Variants in SLC41A2 observed in about 807,000 individuals in gnomAD.
SLC41A2 encodes the protein solute carrier family 41 member 2, also known as SLC41A1-like 1.
A neutral mutation model predicts 58.3 loss-of-function variants in SLC41A2; 32 were observed. The observed-to-expected ratio is 0.55, with a 90% CI of 0.41 to 0.74. The LOEUF is 0.74. SLC41A2 is among the 30% of genes least tolerant of loss of function. SLC41A2 has a pLI of 0.00. For synonymous variants in SLC41A2, 190 were observed against 235.0 expected, an observed-to-expected ratio of 0.81 and a Z score of 1.75; for missense variants, 514 against 680.6, an observed-to-expected ratio of 0.76 and a Z score of 2.72.
intron 10 of SLC41A2, among the ~76,000 whole-genome samples, chr12:104,826,815 C>T (rs925845782): frequency 6.6e-6 from 1 of 152,186 alleles, no homozygotes; most frequent in South Asian, 2.1e-4. Context: ...GACATTATGT[C>T]ACTTTTGAAT....
intron 2 of SLC41A2, among the ~76,000 whole-genome samples, chr12:104,925,208 A>T (rs2046781843): frequency 6.6e-6 from 1 of 152,214 alleles, no homozygotes; most frequent in South Asian, 2.1e-4. Context: ...TATACTCTAG[A>T]TGTATTACAT....
chr12:104,917,549 A>G (rs1340068555), intron 2 of SLC41A2, among the ~76,000 whole-genome samples: 5 of 151,772 alleles, frequency 3.3e-5, no homozygotes, highest in Non-Finnish European at 5.9e-5. Context: ...GGCACTATTC[A>G]CAATAGCAAA....
intron 1 of SLC41A2, among the ~76,000 whole-genome samples, chr12:104,945,031 C>T (rs1369150971): frequency 7.3e-5 from 11 of 151,500 alleles, no homozygotes; most frequent in African/African-American, 1.2e-4. Flanking sequence ...ATTAGGCAGG[C>T]GTGGTGGTGC....
intron 10 of SLC41A2, chr12:104,833,904 T>A (rs1030030797): frequency 2.0e-6 from 1 of 496,842 alleles, no homozygotes; most frequent in Non-Finnish European, 2.6e-6. Context: ...CACTCAGTTA[T>A]AAGATTTTTT....
At chr12:104,831,047 C>T (rs2042017486) in intron 10 of SLC41A2, among the ~76,000 whole-genome samples, 1 of 152,070 alleles carries the variant, frequency 6.6e-6, no homozygotes, top group Non-Finnish European at 1.5e-5. Flanking sequence ...TAGTACTTCA[C>T]TATGAAGCTT....
intron 6 of SLC41A2, among the ~76,000 whole-genome samples, chr12:104,869,128 G>A (rs1182224133): frequency 6.6e-6 from 1 of 152,110 alleles, no homozygotes; most frequent in East Asian, 1.9e-4. Flanking sequence ...GCCTCCCAAA[G>A]TGCTGGGATT....
intron 8 of SLC41A2, among the ~76,000 whole-genome samples, chr12:104,851,505 G>A (rs913223951): frequency 1.2e-4 from 18 of 151,980 alleles, no homozygotes; most frequent in South Asian, 6.2e-4. Flanking sequence ...TGCCTTAGCC[G>A]CTTGCGTAGC....
At chr12:104,932,561 G>C (rs1225737168) in intron 1 of SLC41A2, among the ~76,000 whole-genome samples, 1 of 147,756 alleles carries the variant, frequency 6.8e-6, no homozygotes, top group Non-Finnish European at 1.5e-5. Flanking sequence ...GGAGGTCAAG[G>C]CTGCAGTGAT....
chr12:104,883,649 G>A (rs2135624932), intron 6 of SLC41A2, among the ~76,000 whole-genome samples: 1 of 152,346 alleles, frequency 6.6e-6, no homozygotes, highest in Admixed American at 6.5e-5. Flanking sequence ...CACCAGCGGA[G>A]GCTGCAGAGC....
At position 104,886,153 on chromosome 12, in the gene SLC41A2, C is replaced by A. The variant is rs17829927; in HGVS notation, c.1027+140G>T. 0.48 allele frequency: 390,589 copies of A among 821,810 alleles called. 95,350 individuals are homozygous for A. Among genetic ancestry groups the A allele is most frequent in the Middle Eastern group, 0.52 (1,501 of 2,864 alleles). The allele number at this position is 821,810 out of a possible 1,614,324, so 50.9% of individuals were successfully genotyped here. Reference sequence around the variant, plus strand: ...ATCATAACACATAGTAGGTATAAAACAAATGATAGTTATCCTAATCAGTCT... The same window carrying A: ...ATCATAACACATAGTAGGTATAAAAAAAATGATAGTTATCCTAATCAGTCT... On this transcript the variant is annotated intron_variant, in intron 6 of 10. Coordinates refer to ENST00000258538, the MANE Select transcript of SLC41A2 (RefSeq NM_001352171.3).
At chr12:104,816,500 AGGGGACATG>A (rs1010074499) in intron 10 of SLC41A2, among the ~76,000 whole-genome samples, 2 of 152,156 alleles carry the variant, frequency 1.3e-5, no homozygotes, top group African/African-American at 4.8e-5. Context: ...CTGCCTCTCC[AGGGGACATG>A]GAGGCATCCT....
chr12:104,946,642 G>A (rs767092217), intron 1 of SLC41A2, among the ~76,000 whole-genome samples: 3 of 152,088 alleles, frequency 2.0e-5, no homozygotes, highest in Non-Finnish European at 1.5e-5. Context: ...GAATCTTTAC[G>A]GCAAGTACTT....
intron 10 of SLC41A2, among the ~76,000 whole-genome samples, chr12:104,815,649 G>A (rs142259064): frequency 6.6e-6 from 1 of 151,990 alleles, no homozygotes; most frequent in East Asian, 1.9e-4. Context: ...AAATAAACCC[G>A]AGAAGTAGCA....
chr12:104,928,272 A>T lies in SLC41A2; in HGVS notation c.256T>A (p.Tyr86Asn), dbSNP rs2046924531. 6.2e-7 allele frequency: 1 copy of T among 1,613,770 alleles called. No individual in the cohort carries two copies. The highest frequency in any genetic ancestry group is 8.5e-7 in the Non-Finnish European group (1 of 1,179,754). Residue 86 changes from tyrosine to asparagine, a missense_variant, in exon 2 of 11, where the codon TAT (tyrosine) becomes AAT (asparagine). By Grantham distance (143) the Tyr-to-Asn change is moderately radical. Transcript: ENST00000258538. ...AAAGACTGCTCTGAGAAACTGTGAT[A>T]CTCCATGTGTTGCTCAGATCTATTA... ...FSNRSEQHME[Y>N]HSFSEQSFHA...
At chr12:104,940,507 AAAAAT>A (rs2047465537) in intron 1 of SLC41A2, among the ~76,000 whole-genome samples, 1 of 124,992 alleles carries the variant, frequency 8.0e-6, no homozygotes, top group East Asian at 2.2e-4. Context: ...TAAAAAACAA[AAAAAT>A]AAAAAAATAA....
chr12:104,812,554 CAG>C (rs1446000161), intron 10 of SLC41A2, among the ~76,000 whole-genome samples: 2 of 152,000 alleles, frequency 1.3e-5, no homozygotes, highest in Non-Finnish European at 2.9e-5. Context: ...TGCATGCACT[CAG>C]AAAATATTTC....
In SLC41A2 at chr12:104,868,513, GA is replaced by G. The variant is rs1391612877; in HGVS notation, c.1028-1935del. ...AGAGGAGAAAAAATACCTTAGGAAA[GA>G]AACTAAAAATAATGAGCAGGCAGTT... is the stretch of plus-strand genomic sequence containing the variant. On this transcript the variant is annotated intron_variant, in intron 6 of 10. Coordinates refer to ENST00000258538, the MANE Select transcript of SLC41A2 (RefSeq NM_001352171.3). 1.1e-4 allele frequency among the ~76,000 whole-genome samples: 17 copies of G among 152,016 alleles called. No homozygotes were observed. The East Asian group carries it at 2.3e-3, about 21-fold the overall frequency.
chr12:104,808,231 G>A (rs376611102), intron 10 of SLC41A2, among the ~76,000 whole-genome samples: 1 of 152,108 alleles, frequency 6.6e-6, no homozygotes. Context: ...ATTATTTTGA[G>A]ATATGTCCCA....
At chr12:104,927,722 C>G (rs947393852) in intron 2 of SLC41A2, among the ~76,000 whole-genome samples, 2 of 151,932 alleles carry the variant, frequency 1.3e-5, no homozygotes, top group Non-Finnish European at 2.9e-5. Context: ...TTTAACCAAG[C>G]TCTTCCAAGG....
Sources: allele counts gnomAD v4.1 joint callset (sites outside exome capture counted in the v4.1 genomes callset), GRCh38; gene constraint gnomAD v4.1.1; transcripts MANE v1.5; gene names NCBI Gene and HGNC (gene_info 2026-07-23, HGNC 2026-07-21).